Variants in FAAH2 observed in about 807,000 individuals in gnomAD.
FAAH2 encodes the protein fatty-acid amide hydrolase 2.
FAAH2 carries 60 observed loss-of-function variants against 36.9 expected under a neutral mutation model. The observed-to-expected ratio is 1.63, with a 90% CI of 1.32 to 2.02. The LOEUF is 2.02. Ranked by LOEUF, FAAH2 falls within the 30% of genes most tolerant of loss-of-function variation. The pLI is 0.00. For synonymous variants in FAAH2, 214 were observed against 143.8 expected, an observed-to-expected ratio of 1.49 and a Z score of -3.49; for missense variants, 689 against 397.5, an observed-to-expected ratio of 1.73 and a Z score of -6.23.
intron 10 of FAAH2, among the ~76,000 whole-genome samples, chrX:57,469,440 G>T (rs1364434422): frequency 9.0e-6 from 1 of 111,274 alleles, no homozygotes; most frequent in East Asian, 2.8e-4. Context: ...AAAGGCAGGG[G>T]TTGCAATCCT....
the FAAH2 span, among the ~76,000 whole-genome samples, chrX:57,253,917 A>C: frequency 8.9e-6 from 1 of 112,050 alleles, no homozygotes; most frequent in Non-Finnish European, 1.9e-5. Context: ...AAATTCACAC[A>C]TAACAATATT....
intron 8 of FAAH2, among the ~76,000 whole-genome samples, chrX:57,440,902 G>T (rs1027721794): frequency 7.2e-5 from 8 of 111,450 alleles, no homozygotes; most frequent in Non-Finnish European, 1.5e-4. Flanking sequence ...GATGAATTAC[G>T]TTTATTGATT....
the FAAH2 span, among the ~76,000 whole-genome samples, chrX:57,268,231 C>A: frequency 9.0e-6 from 1 of 110,817 alleles, no homozygotes; most frequent in Admixed American, 9.6e-5. Flanking sequence ...CAGAATAGAC[C>A]AAGTGGAGAA....
chrX:57,191,265 C>T, the FAAH2 span, among the ~76,000 whole-genome samples: 1 of 111,794 alleles, frequency 8.9e-6, no homozygotes, highest in Non-Finnish European at 1.9e-5. Flanking sequence ...TTTCATATGC[C>T]TGTTTGCCAT....
Position 57,354,668 on chromosome X carries a change from A to G in FAAH2, c.742+13278A>G, listed in dbSNP as rs1183066163. The stretch of plus-strand genomic sequence containing the variant: ...CTAAGTAAACCTTTGTTAAGTATAC[A>G]TAAAAATCTTGTACTTTATGAATTT... On this transcript the variant is annotated intron_variant, in intron 5 of 10. Coordinates refer to ENST00000374900, the MANE Select transcript of FAAH2 (RefSeq NM_174912.4). Among the ~76,000 whole-genome samples the G allele has an allele frequency of 3.6e-5, 4 of 111,007 alleles. 1 individual carries two copies. The Admixed American group carries it at 3.9e-4, about 11-fold the overall frequency.
chrX:57,361,759 A>C (rs2054291679), intron 5 of FAAH2, among the ~76,000 whole-genome samples: 1 of 111,720 alleles, frequency 9.0e-6, no homozygotes. Flanking sequence ...TGTATTTTGC[A>C]GTCATTGGAT....
the FAAH2 span, among the ~76,000 whole-genome samples, chrX:57,146,163 G>A: frequency 9.1e-6 from 1 of 110,380 alleles, no homozygotes. Context: ...TAACAGTATG[G>A]TCTTTTTCAC....
At chrX:57,292,062 T>C (rs987870525) in intron 1 of FAAH2, among the ~76,000 whole-genome samples, 2 of 111,186 alleles carry the variant, frequency 1.8e-5, no homozygotes, top group African/African-American at 6.5e-5. Flanking sequence ...ACCCTAACTT[T>C]ATGCCCTTTT....
At chrX:57,132,827 A>T in the FAAH2 span, among the ~76,000 whole-genome samples, 4 of 112,417 alleles carry the variant, frequency 3.6e-5, no homozygotes, top group African/African-American at 1.3e-4. Context: ...TTTGAAACCT[A>T]CAGGGCTATA....
At chrX:57,394,301 A>T (rs766310777) in intron 7 of FAAH2, 66 of 974,806 alleles carry the variant, frequency 6.8e-5, no homozygotes, top group Non-Finnish European at 9.7e-5. Flanking sequence ...CCCTTCTCCC[A>T]GGGGTGTTGG....
intron 2 of FAAH2, among the ~76,000 whole-genome samples, chrX:57,302,351 AC>A (rs1219331430): frequency 3.6e-5 from 4 of 112,084 alleles, no homozygotes; most frequent in Non-Finnish European, 7.5e-5. Flanking sequence ...GCTTGAAAAC[AC>A]TTTCATTCAT....
At chrX:57,484,208 C>G (rs940730720) in intron 10 of FAAH2, among the ~76,000 whole-genome samples, 1 of 111,036 alleles carries the variant, frequency 9.0e-6, no homozygotes, top group Non-Finnish European at 1.9e-5. Flanking sequence ...TATTTCATCT[C>G]TGTTGTTTCA....
At chrX:57,338,855 T>C (rs780768907) in intron 4 of FAAH2, among the ~76,000 whole-genome samples, 5 of 111,437 alleles carry the variant, frequency 4.5e-5, no homozygotes, top group Non-Finnish European at 9.4e-5. Flanking sequence ...ATAGATTCAA[T>C]GCTATTCCTA....
chrX:57,419,214 G>A (rs1383935937), intron 7 of FAAH2, among the ~76,000 whole-genome samples: 1 of 111,026 alleles, frequency 9.0e-6, no homozygotes, highest in East Asian at 2.8e-4. Flanking sequence ...GTGATTTATA[G>A]TCCTTTGGGT....
intron 10 of FAAH2, among the ~76,000 whole-genome samples, chrX:57,477,113 G>A (rs2057285408): frequency 2.7e-5 from 3 of 110,159 alleles, no homozygotes; most frequent in South Asian, 7.6e-4. Context: ...AGTCTATATA[G>A]TGATCTATTT....
the FAAH2 span, among the ~76,000 whole-genome samples, chrX:57,217,782 A>G: frequency 9.0e-6 from 1 of 111,588 alleles, no homozygotes; most frequent in Admixed American, 9.5e-5. Context: ...TTGTTTCCAT[A>G]TGAATTTTAG....
intron 5 of FAAH2, among the ~76,000 whole-genome samples, chrX:57,363,098 T>C (rs981889020): frequency 1.8e-5 from 2 of 112,184 alleles, no homozygotes; most frequent in Admixed American, 1.9e-4. Flanking sequence ...TAGATTATTC[T>C]AATTCTGCAA....
chrX:57,432,349 C>A (rs916627421), intron 8 of FAAH2, among the ~76,000 whole-genome samples: 1 of 110,885 alleles, frequency 9.0e-6, no homozygotes, highest in Non-Finnish European at 1.9e-5. Context: ...TTATGCCAGG[C>A]AGAGGGGAAA....
the FAAH2 span, among the ~76,000 whole-genome samples, chrX:57,260,609 G>A: frequency 9.0e-6 from 1 of 111,667 alleles, no homozygotes; most frequent in East Asian, 2.8e-4. Flanking sequence ...TGATGTAAAT[G>A]AGAAAATGGC....
Sources: allele counts gnomAD v4.1 joint callset (sites outside exome capture counted in the v4.1 genomes callset), GRCh38; gene constraint gnomAD v4.1.1; transcripts MANE v1.5; gene names NCBI Gene and HGNC (gene_info 2026-07-23, HGNC 2026-07-21).